The following ACTA2 variants were observed in gnomAD, a reference collection of about 807,000 sequenced individuals.
The protein encoded by ACTA2 is actin, aortic smooth muscle.
ACTA2 carries 12 observed loss-of-function variants against 39.5 expected under a neutral mutation model. The ratio of observed to expected loss-of-function variants is 0.30; its 90% CI spans 0.19 to 0.49. The LOEUF (loss-of-function observed/expected upper bound fraction) is 0.49. Ranked by LOEUF, ACTA2 falls within the 20% of genes least tolerant of loss-of-function variation. ACTA2 has a pLI of 0.99. For missense variants in ACTA2, 236 were observed against 498.8 expected, an observed-to-expected ratio of 0.47 and a Z score of 5.02; for synonymous variants, 158 against 180.6, an observed-to-expected ratio of 0.88 and a Z score of 1.00.
Position 88,990,454 on chromosome 10 carries a change from G to A in ACTA2, c.-24+485C>T, listed in dbSNP as rs1564669079. 2.0e-6 allele frequency: 1 copy of A among 508,616 alleles called. No individual in the cohort carries two copies. Among genetic ancestry groups the A allele is most frequent in the Non-Finnish European group, 3.8e-6 (1 of 264,642 alleles). The allele number at this position is 508,616 out of a possible 1,614,324, so 31.5% of individuals were successfully genotyped here. On this transcript the variant is annotated intron_variant, in intron 1 of 4. Coordinates refer to the ACTA2 transcript ENST00000415557. The surrounding 1 kb of genome is among the most constrained non-coding windows in gnomAD (Gnocchi z 4.9). Reference sequence around the variant, plus strand: ...ACCTGAAGTGAGCATGCCAGCCACTGCAGGAACGCCCCGGGACAGGAATGC... The same window carrying A: ...ACCTGAAGTGAGCATGCCAGCCACTACAGGAACGCCCCGGGACAGGAATGC...
intron 1 of ACTA2, among the ~76,000 whole-genome samples, chr10:88,951,124 T>G (rs1172891119): frequency 6.6e-6 from 1 of 152,120 alleles, no homozygotes; most frequent in Non-Finnish European, 1.5e-5. Context: ...TTGGCATTCC[T>G]GTGATTTGGC....
At chr10:88,943,367 T>C (rs1480329455) in intron 4 of ACTA2, among the ~76,000 whole-genome samples, 2 of 152,202 alleles carry the variant, frequency 1.3e-5, no homozygotes, top group Non-Finnish European at 2.9e-5. Flanking sequence ...TTAATATTAC[T>C]CCCAACTTAT....
At chr10:88,947,197 G>C in intron 3 of ACTA2, 61 bp downstream of exon 3, 2 of 1,602,020 alleles carry the variant, frequency 1.2e-6, no homozygotes, top group South Asian at 2.2e-5. Context: ...GTGGTGTTCT[G>C]TATCAGAGAA....
intron 1 of ACTA2, among the ~76,000 whole-genome samples, chr10:88,971,400 T>C (rs1174834879): frequency 6.6e-6 from 1 of 152,240 alleles, no homozygotes; most frequent in Non-Finnish European, 1.5e-5. Context: ...CATGGAGCCA[T>C]CTGATTCTGT....
At chr10:88,946,836 G>A (rs942596298) in intron 3 of ACTA2, 50 of 201,662 alleles carry the variant, frequency 2.5e-4, no homozygotes, top group Non-Finnish European at 5.0e-4. Flanking sequence ...TTGGTGTGCT[G>A]CACCCATTAA....
intron 1 of ACTA2, among the ~76,000 whole-genome samples, chr10:88,988,434 TTTGTTTTTTATCTTAACTCTTCCTG>T (rs1564666912): frequency 8.7e-5 from 3 of 34,414 alleles, no homozygotes; most frequent in Non-Finnish European, 4.9e-5. Flanking sequence ...TTTTTTTTGT[TTTGTTTTTTATCTTAACTCTTCCTG>T]TTTTTTTACA....
rs1462787215 is a variant in ACTA2 at position 88,991,249 on chromosome 10, T to C, written c.-334A>G. 2.3e-5 allele frequency: 11 copies of C among 481,014 alleles called. No individual in the cohort carries two copies. In the East Asian group the frequency reaches 3.3e-4, roughly 15 times the overall value. 29.8% of individuals were successfully genotyped at this position (481,014 alleles called of 1,614,324 possible). On this transcript the variant is annotated 5_prime_UTR_variant, in exon 1 of 5. Coordinates refer to the ACTA2 transcript ENST00000415557. Reference sequence around the variant, plus strand: ...GTGCGGACAGGAATTGAAGCGGAAGTCTGGGAAGCTTTAGGGTCGCTGGAG... The same window carrying C: ...GTGCGGACAGGAATTGAAGCGGAAGCCTGGGAAGCTTTAGGGTCGCTGGAG...
At chr10:88,965,280 CCTTCTA>C (rs1285087518) in intron 1 of ACTA2, among the ~76,000 whole-genome samples, 1 of 152,082 alleles carries the variant, frequency 6.6e-6, no homozygotes, top group African/African-American at 2.4e-5. Flanking sequence ...GGCACCCTGC[CCTTCTA>C]CATATAGTAG....
chr10:88,953,867 G>A (rs1355054123), upstream of ACTA2, among the ~76,000 whole-genome samples: 1 of 152,076 alleles, frequency 6.6e-6, no homozygotes, highest in Non-Finnish European at 1.5e-5. Flanking sequence ...CTTTTGCCAT[G>A]AGTTTAAGTT....
chr10:88,988,443 T>TTTTATTTTTTTTTTTTTTTTTTTTTTTTA (rs1554846019), intron 1 of ACTA2, among the ~76,000 whole-genome samples: 1 of 142,370 alleles, frequency 7.0e-6, no homozygotes, highest in Non-Finnish European at 1.5e-5. Flanking sequence ...TTTTGTTTTT[T>TTTTATTTTTTTTTTTTTTTTTTTTTTTTA]ATCTTAACTC....
chr10:88,979,309 G>A (rs747502667), intron 1 of ACTA2, among the ~76,000 whole-genome samples: 33 of 152,188 alleles, frequency 2.2e-4, no homozygotes, highest in Non-Finnish European at 4.3e-4. Flanking sequence ...CTCTGCCGCA[G>A]GGTGCCTTGC....
At chr10:88,938,447 T>A in intron 7 of ACTA2, 1 of 600,210 alleles carries the variant, frequency 1.7e-6, no homozygotes, top group Non-Finnish European at 3.0e-6. Flanking sequence ...GAAGGCCTGC[T>A]GCAGCATCCT....
intron 1 of ACTA2, among the ~76,000 whole-genome samples, chr10:88,957,776 C>CT (rs373130549): frequency 0.019 from 2,825 of 151,384 alleles, 67 homozygotes; most frequent in African/African-American, 0.064. Flanking sequence ...CTACCCACTT[C>CT]TTTTTTTTTG....
chr10:88,948,633 A>G, intron 2 of ACTA2, 169 bp downstream of exon 2: 2 of 851,038 alleles, frequency 2.4e-6, no homozygotes, highest in Non-Finnish European at 3.8e-6. Context: ...TAATCTGTCT[A>G]CATTATATGT....
At chr10:88,978,402 AAAATAAAT>A (rs369548963) in intron 1 of ACTA2, among the ~76,000 whole-genome samples, 38 of 152,212 alleles carry the variant, frequency 2.5e-4, no homozygotes, top group African/African-American at 9.2e-4. Flanking sequence ...AGTATAATAA[AAAATAAAT>A]AAATAAATAA....
intron 1 of ACTA2, among the ~76,000 whole-genome samples, chr10:88,977,423 C>G (rs2133338084): frequency 6.6e-6 from 1 of 151,894 alleles, no homozygotes; most frequent in Non-Finnish European, 1.5e-5. Context: ...AATAGGGAAT[C>G]CTTTCCCCAT....
At chr10:88,988,427 TTTTTGTTTTG>T (rs1224526767) in intron 1 of ACTA2, among the ~76,000 whole-genome samples, 4 of 9,566 alleles carry the variant, frequency 4.2e-4, no homozygotes, top group East Asian at 2.7e-3. Context: ...TTTTTTTTTT[TTTTTGTTTTG>T]TTTTTTATCT....
At chr10:88,976,155 G>T (rs1036526177) in intron 1 of ACTA2, among the ~76,000 whole-genome samples, 1 of 152,090 alleles carries the variant, frequency 6.6e-6, no homozygotes, top group Non-Finnish European at 1.5e-5. Flanking sequence ...ACTAAGAATT[G>T]TCTTGGGCCA....
chr10:88,977,247 G>A (rs1167001344), intron 1 of ACTA2, among the ~76,000 whole-genome samples: 1 of 151,648 alleles, frequency 6.6e-6, no homozygotes, highest in Admixed American at 6.6e-5. Context: ...CCATGCCTAT[G>A]TCCTGAATGG....
Sources: gnomAD v4.1 joint callset for allele counts (sites outside exome capture counted in the v4.1 genomes callset) on GRCh38, gnomAD v4.1.1 for gene constraint, Gnocchi (gnomAD v3.1) non-coding constraint, MANE v1.5 for transcripts, NCBI Gene and HGNC (gene_info 2026-07-23, HGNC 2026-07-21) for gene names.